STMN1: variants seen among roughly 807,000 people sequenced by gnomAD.
STMN1 encodes stathmin.
Under a neutral mutation model 19.7 loss-of-function variants are expected in STMN1, and 3 were observed. The ratio of observed to expected loss-of-function variants is 0.15; its 90% confidence interval spans 0.07 to 0.39. The LOEUF is 0.39. Ranked by LOEUF, STMN1 falls within the 10% of genes least tolerant of loss-of-function variation. The probability of loss-of-function intolerance (pLI) is 1.00; values close to 1 mark genes in which losing one functional copy is unlikely to be tolerated. For missense variants in STMN1, 99 were observed against 176.0 expected, an observed-to-expected ratio of 0.56 and a Z score of 2.48; for synonymous variants, 59 against 58.9, an observed-to-expected ratio of 1.00 and a Z score of -0.01.
chr1:25,892,079 A>C (rs2048780624), intron 4 of STMN1, among the ~76,000 whole-genome samples: 1 of 152,256 alleles, frequency 6.6e-6, no homozygotes, highest in Non-Finnish European at 1.5e-5. Context: ...TCTGAGAAAA[A>C]TTTAAAAATT....
chr1:25,901,335 T>C (rs756357089), intron 4 of STMN1, 156 bp downstream of exon 4: 38 of 1,143,510 alleles, frequency 3.3e-5, no homozygotes, highest in Non-Finnish European at 4.4e-5. Flanking sequence ...AATTACTGAA[T>C]ATTCCATCTT....
downstream of STMN1, among the ~76,000 whole-genome samples, chr1:25,899,563 A>G (rs1450909458): frequency 6.6e-6 from 1 of 152,212 alleles, no homozygotes; most frequent in African/African-American, 2.4e-5. Flanking sequence ...TTTAAAAGTC[A>G]ATTTAAGGAA....
exon 5 of STMN1, chr1:25,885,725 A>C (rs1448030649): frequency 1.9e-6 from 3 of 1,550,170 alleles, no homozygotes; most frequent in Middle Eastern, 1.7e-4. Flanking sequence ...TTAAGTACCT[A>C]GTGATGGTGA....
In STMN1 at chr1:25,900,908, T is replaced by A; in HGVS notation, c.*108A>T. ...CTGGATCTACCTATACAGTCCTACATTAGCTTCTAAAATATTTGTCAGGAG... is the reference window on the plus strand; with the variant it reads ...CTGGATCTACCTATACAGTCCTACAATAGCTTCTAAAATATTTGTCAGGAG... On this transcript the variant is annotated 3_prime_UTR_variant, in exon 5 of 5. Coordinates refer to ENST00000455785, the MANE Select transcript of STMN1 (RefSeq NM_005563.4). 1 of 1,588,460 alleles carries A rather than the reference T, an allele frequency of 6.3e-7. No individual in the cohort carries two copies.
At chr1:25,894,349 TCTC>T in intron 4 of STMN1, among the ~76,000 whole-genome samples, 2 of 151,580 alleles carry the variant, frequency 1.3e-5, no homozygotes, top group Non-Finnish European at 2.9e-5. Context: ...TCCTGAGGGG[TCTC>T]TGCCTAGGTG....
At chr1:25,899,972 G>T, downstream of STMN1, 1 of 529,124 alleles carries the variant, frequency 1.9e-6, no homozygotes, top group South Asian at 8.2e-5. Context: ...TGCCAAAGGC[G>T]TTCCCTGAAT....
chr1:25,885,652 A>G (rs2048714638), exon 5 of STMN1: 1 of 1,436,718 alleles, frequency 7.0e-7, no homozygotes, highest in Non-Finnish European at 9.2e-7. Flanking sequence ...CACATCAAGG[A>G]TCCTCTTGGC....
intron 4 of STMN1, among the ~76,000 whole-genome samples, chr1:25,891,806 C>T (rs2048778537): frequency 6.6e-6 from 1 of 152,084 alleles, no homozygotes; most frequent in Non-Finnish European, 1.5e-5. Context: ...CCACCCCCCA[C>T]CACCAACACA....
chr1:25,887,459 C>A, intron 4 of STMN1: 1 of 381,704 alleles, frequency 2.6e-6, no homozygotes, highest in Admixed American at 3.4e-5. Flanking sequence ...GGCTATCTGG[C>A]ATCTTAGATG....
chr1:25,902,848 T>C (rs1002649999), intron 3 of STMN1: 1 of 152,234 alleles, frequency 6.6e-6, no homozygotes, highest in Non-Finnish European at 1.5e-5. Flanking sequence ...CAAATCACTA[T>C]GCTGGTCTGG....
At position 25,903,782 on chromosome 1, in the gene STMN1, G is replaced by A. The variant is rs755372730; in HGVS notation, c.45C>T (p.Ala15=). 3.1e-6 allele frequency: 5 copies of A among 1,612,596 alleles called. No homozygotes were observed. The African/African-American group carries it at 6.7e-5, about 22-fold the overall frequency. The change falls in exon 3 of 5, where the codon GCC becomes GCT. Residue 15 remains alanine (A), a synonymous_variant. Coordinates refer to ENST00000455785, the MANE Select transcript of STMN1 (RefSeq NM_005563.4). The part of the protein sequence containing the change: ...DIQVKELEKR[A]SGQAFELILS... ...GAATCAGCTCAAAAGCCTGGCCTGA[G>A]GCACGCTTCTCCAGTTCTTTCACCT...
chr1:25,901,852 A>C (rs1015788416), intron 3 of STMN1, 170 bp from the exon 4 acceptor site: 9 of 494,748 alleles, frequency 1.8e-5, no homozygotes, highest in African/African-American at 1.8e-4. Context: ...TATACTAAAA[A>C]TACAAAAATT....
intron 4 of STMN1, chr1:25,892,586 C>A (rs1284894176): frequency 2.0e-6 from 2 of 985,176 alleles, no homozygotes. Flanking sequence ...AGGGTCCCCT[C>A]CCAGCTGGAG....
intron 4 of STMN1, among the ~76,000 whole-genome samples, chr1:25,894,422 G>A (rs983429382): frequency 1.2e-4 from 18 of 152,202 alleles, no homozygotes; most frequent in African/African-American, 3.9e-4. Flanking sequence ...GCCCATGCCT[G>A]TAATCGCAGC....
At chr1:25,896,411 C>T (rs1015464204), downstream of STMN1, among the ~76,000 whole-genome samples, 2 of 152,260 alleles carry the variant, frequency 1.3e-5, no homozygotes, top group South Asian at 4.1e-4. Context: ...GAGCAGGAGG[C>T]CACAGGGATT....
chr1:25,894,634 T>G (rs1244728024), intron 4 of STMN1, among the ~76,000 whole-genome samples: 3 of 152,318 alleles, frequency 2.0e-5, no homozygotes, highest in Admixed American at 6.5e-5. Flanking sequence ...GAGCTGTGTT[T>G]GCACCACTGC....
rs1572307497 is a variant in STMN1, at chr1:25,904,652, T to C, written c.13+12A>G. The stretch of plus-strand genomic sequence containing the variant: ...CCATTACAATTTCAGATTTTCCAAA[T>C]AGATTACCTACCAGAAGAAGCCATG... On this transcript the variant is annotated intron_variant, in intron 2 of 4. Transcript: ENST00000455785. 1.2e-6 allele frequency: 2 copies of C among 1,612,926 alleles called. No homozygotes were observed. The highest frequency in any genetic ancestry group is 1.7e-6 in the Non-Finnish European group (2 of 1,179,164).
chr1:25,906,528 C>G (rs913418846), upstream of STMN1: 1 of 152,940 alleles, frequency 6.5e-6, no homozygotes, highest in Admixed American at 6.5e-5. The surrounding 1 kb of genome is among the most constrained non-coding windows in gnomAD (Gnocchi z 4.5). Flanking sequence ...CCCCGCCCCC[C>G]ACAACCCGCG....
chr1:25,894,539 C>T (rs754933377), intron 4 of STMN1, among the ~76,000 whole-genome samples: 30 of 152,014 alleles, frequency 2.0e-4, no homozygotes, highest in Admixed American at 1.4e-3. Context: ...AATTAGCCGG[C>T]CATTGTGGCA....
Sources: allele counts gnomAD v4.1 joint callset (sites outside exome capture counted in the v4.1 genomes callset), GRCh38; gene constraint gnomAD v4.1.1; non-coding constraint Gnocchi (gnomAD v3.1); transcripts MANE v1.5; gene names NCBI Gene and HGNC (gene_info 2026-07-23, HGNC 2026-07-21).